QTGAL: variants seen among roughly 807,000 people sequenced by gnomAD.
QTGAL encodes queuosine-tRNA galactosyltransferase.
the QTGAL span, among the ~76,000 whole-genome samples, chr17:82,969,982 A>G: frequency 5.3e-5 from 8 of 152,298 alleles, no homozygotes; most frequent in African/African-American, 1.9e-4. Context: ...GCCTGGCCAA[A>G]AATTAAAAAA....
chr17:83,044,582 C>T, the QTGAL span, among the ~76,000 whole-genome samples: 27 of 152,276 alleles, frequency 1.8e-4, no homozygotes, highest in Admixed American at 1.4e-3. Context: ...TTGGGAGAAC[C>T]GAAGCGAGGA....
chr17:82,947,946 C>T, the QTGAL span: 19 of 152,096 alleles, frequency 1.2e-4, no homozygotes, highest in African/African-American at 2.7e-4. Context: ...GTGTTGACAC[C>T]GTCTTAAACA....
chr17:83,035,400 C>T, the QTGAL span, among the ~76,000 whole-genome samples: 30,804 of 151,976 alleles, frequency 0.2, 3,282 homozygotes, highest in Non-Finnish European at 0.24. Flanking sequence ...AACTCCCAAC[C>T]TCAGGTGATC....
the QTGAL span, among the ~76,000 whole-genome samples, chr17:83,012,242 A>G: frequency 1.9e-5 from 2 of 105,636 alleles, no homozygotes; most frequent in Middle Eastern, 5.0e-3. Flanking sequence ...CCTCGTATCC[A>G]TAAGTCTCCC....
chr17:83,042,234 G>A, the QTGAL span, among the ~76,000 whole-genome samples: 1 of 152,086 alleles, frequency 6.6e-6, no homozygotes, highest in Non-Finnish European at 1.5e-5. Context: ...AGGCGTGCTG[G>A]CAGGCACCTG....
the QTGAL span, among the ~76,000 whole-genome samples, chr17:83,025,661 G>A: frequency 2.3e-5 from 3 of 132,436 alleles, no homozygotes; most frequent in East Asian, 2.3e-4. Flanking sequence ...GTCCACACAC[G>A]GACACCGCGG....
chr17:82,974,099 C>G, the QTGAL span, among the ~76,000 whole-genome samples: 1 of 152,236 alleles, frequency 6.6e-6, no homozygotes, highest in African/African-American at 2.4e-5. Flanking sequence ...GGAGAGTTCT[C>G]CTGCCCCTTG....
At chr17:82,951,297 C>A in the QTGAL span, among the ~76,000 whole-genome samples, 1 of 152,238 alleles carries the variant, frequency 6.6e-6, no homozygotes, top group African/African-American at 2.4e-5. Context: ...TCTGGAGAGC[C>A]TGCTGCCTCA....
At chr17:83,033,672 C>T in the QTGAL span, among the ~76,000 whole-genome samples, 5 of 151,924 alleles carry the variant, frequency 3.3e-5, no homozygotes, top group African/African-American at 7.2e-5. Context: ...GGGGTTTCAC[C>T]GTGTTAGCCA....
the QTGAL span, among the ~76,000 whole-genome samples, chr17:83,035,370 T>C: frequency 6.6e-6 from 1 of 152,080 alleles, no homozygotes; most frequent in Non-Finnish European, 1.5e-5. Context: ...GGTTTCTCCA[T>C]GTTGGTCAGG....
chr17:82,964,717 G>GA, the QTGAL span, among the ~76,000 whole-genome samples: 27 of 129,550 alleles, frequency 2.1e-4, no homozygotes, highest in Admixed American at 3.1e-4. Context: ...CCCCCACGGG[G>GA]GGACGGGGAC....
At chr17:83,002,780 G>A in the QTGAL span, among the ~76,000 whole-genome samples, 2 of 152,216 alleles carry the variant, frequency 1.3e-5, no homozygotes, top group Non-Finnish European at 2.9e-5. Flanking sequence ...CTCTTGGAAC[G>A]TGCTGGGGGC....
chr17:83,007,145 A>G, the QTGAL span: 1 of 896,616 alleles, frequency 1.1e-6, no homozygotes, highest in Non-Finnish European at 1.3e-6. Context: ...TCTAATTGGA[A>G]CAAACGTGCT....
chr17:82,963,445 C>T, the QTGAL span, among the ~76,000 whole-genome samples: 1 of 152,150 alleles, frequency 6.6e-6, no homozygotes, highest in Non-Finnish European at 1.5e-5. Context: ...ACATGAAGTC[C>T]AGCAGAGAAA....
the QTGAL span, among the ~76,000 whole-genome samples, chr17:82,983,013 G>A: frequency 6.6e-6 from 1 of 152,190 alleles, no homozygotes; most frequent in Non-Finnish European, 1.5e-5. Context: ...GGGCGCAGTG[G>A]CTCACACCTG....
chr17:83,024,096 T>C, the QTGAL span, among the ~76,000 whole-genome samples: 1 of 150,970 alleles, frequency 6.6e-6, no homozygotes, highest in Non-Finnish European at 1.5e-5. Context: ...ACATTTCCTG[T>C]TGGACCTAAA....
the QTGAL span, among the ~76,000 whole-genome samples, chr17:82,970,574 G>GTGTGGACATGACCTCCCCACCCA: frequency 2.7e-3 from 199 of 72,472 alleles, 34 homozygotes; most frequent in South Asian, 0.02. Context: ...CTCCGCACCC[G>GTGTGGACATGACCTCCCCACCCA]GCGTGGCCGC....
At chr17:83,006,553 G>A in the QTGAL span, 30 of 985,304 alleles carry the variant, frequency 3.0e-5, no homozygotes, top group Non-Finnish European at 3.4e-5. The surrounding 1 kb of genome is among the most constrained non-coding windows in gnomAD (Gnocchi z 5.8). Flanking sequence ...GATGTCCCAG[G>A]GCACGAGCAC....
the QTGAL span, among the ~76,000 whole-genome samples, chr17:82,963,551 A>G: frequency 6.6e-6 from 1 of 152,228 alleles, no homozygotes; most frequent in South Asian, 2.1e-4. Context: ...CCCTGTAAAT[A>G]ACCCACCAAG....
Sources: allele counts gnomAD v4.1 joint callset (sites outside exome capture counted in the v4.1 genomes callset), GRCh38; gene constraint gnomAD v4.1.1; non-coding constraint Gnocchi (gnomAD v3.1); transcripts MANE v1.5; gene names NCBI Gene and HGNC (gene_info 2026-07-23, HGNC 2026-07-21).